The following PIK3C2A variants were observed in gnomAD, a reference collection of about 807,000 sequenced individuals.
The protein encoded by PIK3C2A is phosphatidylinositol 4-phosphate 3-kinase C2 domain-containing subunit alpha.
Under a neutral mutation model 204.5 loss-of-function variants are expected in PIK3C2A, and 97 were observed. That is an observed-to-expected ratio of 0.47 (90% CI 0.40 to 0.56). PIK3C2A has a LOEUF of 0.56. PIK3C2A is among the 20% of genes least tolerant of loss of function. The probability of loss-of-function intolerance (pLI) is 0.00; values close to 1 mark genes in which losing one functional copy is unlikely to be tolerated. For synonymous variants in PIK3C2A, 653 were observed against 664.4 expected, an observed-to-expected ratio of 0.98 and a Z score of 0.26; for missense variants, 1,735 against 1,969.2, an observed-to-expected ratio of 0.88 and a Z score of 2.25.
chr11:17,178,875 G>A (rs1406732565), intron 1 of PIK3C2A, among the ~76,000 whole-genome samples: 2 of 150,852 alleles, frequency 1.3e-5, no homozygotes, highest in Non-Finnish European at 3.0e-5. Flanking sequence ...GACTACAGGC[G>A]CCCGCCACCG....
At chr11:17,137,995 C>A in intron 8 of PIK3C2A, 1 of 592,898 alleles carries the variant, frequency 1.7e-6, no homozygotes. Flanking sequence ...TTTCTGACTC[C>A]CTGCTTGTGC....
At chr11:17,143,764 CTG>C (rs1237413918) in intron 8 of PIK3C2A, among the ~76,000 whole-genome samples, 1 of 152,084 alleles carries the variant, frequency 6.6e-6, no homozygotes, top group African/African-American at 2.4e-5. Context: ...TGGTGAAACC[CTG>C]TCTCTACCAA....
At chr11:17,171,797 G>C (rs1286898215) in intron 1 of PIK3C2A, among the ~76,000 whole-genome samples, 1 of 152,154 alleles carries the variant, frequency 6.6e-6, no homozygotes, top group East Asian at 1.9e-4. Context: ...TTTAGAGATG[G>C]GGGAGGTCTC....
chr11:17,092,774 T>C (rs1326596662), intron 28 of PIK3C2A, among the ~76,000 whole-genome samples: 2 of 152,230 alleles, frequency 1.3e-5, no homozygotes, highest in Admixed American at 6.5e-5. Context: ...GGTGTATGTG[T>C]TGATTTCCTA....
intron 1 of PIK3C2A, among the ~76,000 whole-genome samples, chr11:17,201,769 CT>C (rs773202192): frequency 2.0e-5 from 3 of 152,096 alleles, no homozygotes; most frequent in Non-Finnish European, 2.9e-5. Flanking sequence ...TCCCTTACAT[CT>C]TTTCTTTCCC....
In PIK3C2A at chr11:17,117,702, G is replaced by A. The variant is rs971415227; in HGVS notation, c.3036-31C>T. ...ACAGCAAAATATTTATGTTAGTCAC[G>A]TCTTGGTTTTTTTTTTTTTTTTTTT... On this transcript the variant is annotated intron_variant, in intron 18 of 32. Coordinates refer to ENST00000691414, the MANE Select transcript of PIK3C2A (RefSeq NM_002645.4). 51 of 724,578 alleles carry A rather than the reference G, an allele frequency of 7.0e-5. No homozygotes were observed. The East Asian group carries it at 1.5e-3, about 21-fold the overall frequency. The allele number at this position is 724,578 out of a possible 1,614,324, so 44.9% of individuals were successfully genotyped here.
At chr11:17,152,823 T>TA (rs1850463944) in intron 3 of PIK3C2A, among the ~76,000 whole-genome samples, 1 of 151,836 alleles carries the variant, frequency 6.6e-6, no homozygotes, top group Admixed American at 6.6e-5. Context: ...AATCAGAACA[T>TA]AAAAAGAAGA....
At chr11:17,136,220 C>A (rs1590948865) in intron 9 of PIK3C2A, among the ~76,000 whole-genome samples, 1 of 152,274 alleles carries the variant, frequency 6.6e-6, no homozygotes, top group African/African-American at 2.4e-5. Context: ...AACCCCAAAC[C>A]AACTCATTTA....
intron 26 of PIK3C2A, among the ~76,000 whole-genome samples, chr11:17,098,825 G>GT (rs1392064142): frequency 1.3e-5 from 2 of 152,162 alleles, no homozygotes; most frequent in Non-Finnish European, 2.9e-5. Context: ...CCCTGCTGTG[G>GT]TATTGTGATG....
At chr11:17,186,569 C>T (rs1229323003) in intron 1 of PIK3C2A, among the ~76,000 whole-genome samples, 5 of 151,992 alleles carry the variant, frequency 3.3e-5, no homozygotes, top group African/African-American at 1.2e-4. Flanking sequence ...ATTTTTAACC[C>T]CCTCTTGTTG....
At chr11:17,150,116 A>G (rs1850379647) in intron 4 of PIK3C2A, among the ~76,000 whole-genome samples, 1 of 152,220 alleles carries the variant, frequency 6.6e-6, no homozygotes, top group Non-Finnish European at 1.5e-5. Flanking sequence ...TTAAAATAAA[A>G]GAGAATTATC....
At chr11:17,109,453 A>G (rs982210227) in intron 22 of PIK3C2A, among the ~76,000 whole-genome samples, 4 of 152,376 alleles carry the variant, frequency 2.6e-5, no homozygotes, top group African/African-American at 9.6e-5. Context: ...CATTATTTCA[A>G]AACAGTTCAA....
intron 2 of PIK3C2A, among the ~76,000 whole-genome samples, chr11:17,156,995 A>G (rs972055608): frequency 6.6e-6 from 1 of 152,152 alleles, no homozygotes; most frequent in Admixed American, 6.5e-5. Flanking sequence ...ATAATTTTTT[A>G]TATCAATATA....
chr11:17,136,496 T>A lies in PIK3C2A; in HGVS notation c.1834A>T (p.Ser612Cys), dbSNP rs2137395233. The A allele has an allele frequency of 6.2e-7, 1 of 1,610,124 alleles. No individual in the cohort carries two copies. The highest frequency in any genetic ancestry group is 1.1e-5 in the South Asian group (1 of 90,664). ...KLKRAVNLPR[S>C]KTADVTSLFG... ...AAAATACTCACATCAGCAGTTTTACTCCTTGGAAGATTAACTGCTCTCTTT... is the reference window on the plus strand; with the variant it reads ...AAAATACTCACATCAGCAGTTTTACACCTTGGAAGATTAACTGCTCTCTTT... Residue 612 changes from serine (S) to cysteine (C), a missense_variant, in exon 9 of 33, where the codon AGT (serine) becomes TGT (cysteine). Physicochemically the swap from Ser to Cys is moderately radical, Grantham distance 112 (BLOSUM62 -1). This residue lies in a region of PIK3C2A where 10 missense variants were observed against 28.1 expected (regional missense o/e 0.36). Transcript: ENST00000691414.
At position 17,117,474 on chromosome 11, in the gene PIK3C2A, C is replaced by T. The variant is rs753580560; in HGVS notation, c.3216+17G>A. ...TTTAACATTAACACATTTATATTAC[C>T]TTTTATGGGTACATACCTGTCTGGC... On this transcript the variant is annotated intron_variant, in intron 19 of 32. Transcript: ENST00000691414. The T allele has an allele frequency of 6.4e-7, 1 of 1,565,856 alleles. No individual in the cohort carries two copies. The highest frequency in any genetic ancestry group is 8.7e-7 in the Non-Finnish European group (1 of 1,142,952).
intron 6 of PIK3C2A, among the ~76,000 whole-genome samples, chr11:17,147,186 C>T (rs533619606): frequency 6.6e-6 from 1 of 152,202 alleles, no homozygotes; most frequent in African/African-American, 2.4e-5. Flanking sequence ...TTTTCATCCC[C>T]AACCCATATT....
intron 1 of PIK3C2A, among the ~76,000 whole-genome samples, chr11:17,177,248 AT>A (rs1038199469): frequency 2.6e-4 from 40 of 152,286 alleles, no homozygotes; most frequent in African/African-American, 9.6e-4. Flanking sequence ...TAATACTACT[AT>A]TTAGTTATAA....
intron 6 of PIK3C2A, 145 bp downstream of exon 6, chr11:17,147,370 ATT>A: frequency 1.7e-6 from 1 of 584,002 alleles, no homozygotes. Flanking sequence ...ATCTCCCCTC[ATT>A]TGCTAAGAAG....
Position 17,102,699 on chromosome 11 carries a change from A to G in PIK3C2A, c.3814T>C (p.Phe1272Leu). 6.2e-7 allele frequency: 1 copy of G among 1,613,590 alleles called. No individual in the cohort carries two copies. The highest frequency in any genetic ancestry group is 8.5e-7 in the Non-Finnish European group (1 of 1,179,828). Residue 1272 changes from phenylalanine to leucine, a missense_variant, in exon 24 of 33, where the codon TTT becomes CTT. By Grantham distance (22) the Phe-to-Leu change is conservative. Coordinates refer to ENST00000691414, the MANE Select transcript of PIK3C2A (RefSeq NM_002645.4). ...CCAAACATCTGTGCATGTCCCAAAAACTTTCCAAAGTCAATGTGAAACATG... is the reference window on the plus strand; with the variant it reads ...CCAAACATCTGTGCATGTCCCAAAAGCTTTCCAAAGTCAATGTGAAACATG... ...GHMFHIDFGKFLGHAQMFGSF... is the reference protein window; with the variant it reads ...GHMFHIDFGKLLGHAQMFGSF...
Sources: gnomAD v4.1 joint callset for allele counts (sites outside exome capture counted in the v4.1 genomes callset) on GRCh38, gnomAD v4.1.1 for gene constraint, gnomAD v4.1.1 regional missense constraint, MANE v1.5 for transcripts, NCBI Gene and HGNC (gene_info 2026-07-23, HGNC 2026-07-21) for gene names.